The following PLSCR2 variants were observed in gnomAD, a reference collection of about 807,000 sequenced individuals.
PLSCR2 encodes the protein PL scramblase 2.
PLSCR2 carries 18 observed loss-of-function variants against 25.3 expected under a neutral mutation model. That is an observed-to-expected ratio of 0.71 (90% CI 0.49 to 1.06). The LOEUF is 1.06. PLSCR2 is among the 50% of genes least tolerant of loss of function. PLSCR2 has a pLI of 0.00. For synonymous variants in PLSCR2, 88 were observed against 87.3 expected (o/e 1.01, Z -0.04); for missense variants, 243 against 269.5 (o/e 0.90, Z 0.69).
At chr3:146,434,083 C>T (rs1340502306) in intron 8 of PLSCR2, among the ~76,000 whole-genome samples, 3 of 152,164 alleles carry the variant, frequency 2.0e-5, no homozygotes, top group Non-Finnish European at 4.4e-5. Flanking sequence ...GTTTCTAACA[C>T]TGGTACAGTT....
At position 146,421,851 on chromosome 3, in the gene PLSCR2, G is replaced by A. The variant is rs145260664; in HGVS notation, c.101-25930C>T. On this transcript the variant is annotated intron_variant and NMD_transcript_variant, in intron 2 of 3. Coordinates refer to the PLSCR2 transcript ENST00000463633. ...GGGCTTAGCCAGAAAAATAGTTTGC[G>A]TATTTGTTTTTAATTTGAGAGACAT... is the stretch of plus-strand genomic sequence containing the variant. Among the ~76,000 whole-genome samples the A allele has an allele frequency of 9.5e-4, 145 of 152,174 alleles. 1 individual carries two copies. The highest frequency in any genetic ancestry group is 3.4e-3 in the Middle Eastern group (1 of 294).
At chr3:146,450,246 T>G (rs2040817079) in intron 5 of PLSCR2, among the ~76,000 whole-genome samples, 2 of 152,298 alleles carry the variant, frequency 1.3e-5, no homozygotes, top group South Asian at 4.1e-4. Context: ...GAAATATAAA[T>G]AATGACCTAC....
At chr3:146,435,532 G>A (rs2039790079) in intron 8 of PLSCR2, among the ~76,000 whole-genome samples, 3 of 152,274 alleles carry the variant, frequency 2.0e-5, no homozygotes, top group South Asian at 2.1e-4. Context: ...GAGATGATGA[G>A]CATTTTTTCG....
At chr3:146,408,772 T>C (rs1038347693) in intron 2 of PLSCR2, among the ~76,000 whole-genome samples, 2 of 152,110 alleles carry the variant, frequency 1.3e-5, no homozygotes, top group African/African-American at 2.4e-5. Flanking sequence ...TTGGACAACT[T>C]CGGTCATCTT....
At chr3:146,455,353 A>G (rs2041150540) in exon 4 of PLSCR2, 1 of 1,613,692 alleles carries the variant, frequency 6.2e-7, no homozygotes, top group Admixed American at 1.7e-5. Flanking sequence ...TAGACCGCCC[A>G]CAGCAATTTC....
chr3:146,422,630 C>A (rs1440822173), intron 2 of PLSCR2, among the ~76,000 whole-genome samples: 1 of 152,076 alleles, frequency 6.6e-6, no homozygotes, highest in Non-Finnish European at 1.5e-5. Context: ...AATTTATTAG[C>A]TACACTGGTT....
upstream of PLSCR2, chr3:146,461,952 A>T: frequency 6.9e-7 from 1 of 1,443,900 alleles, no homozygotes; most frequent in Non-Finnish European, 9.2e-7. Context: ...ATATCCTTTC[A>T]TAAGCTAAAA....
At chr3:146,440,249 C>T (rs1163226862), downstream of PLSCR2, among the ~76,000 whole-genome samples, 1 of 152,204 alleles carries the variant, frequency 6.6e-6, no homozygotes, top group African/African-American at 2.4e-5. Flanking sequence ...GGCAGTCTGT[C>T]CATTCTCAGA....
chr3:146,393,724 G>A (rs1224316191), intron 3 of PLSCR2, among the ~76,000 whole-genome samples: 2 of 146,438 alleles, frequency 1.4e-5, no homozygotes, highest in African/African-American at 2.5e-5. Context: ...CAGGAGAATC[G>A]CTTGAACCCG....
intron 2 of PLSCR2, among the ~76,000 whole-genome samples, chr3:146,402,200 C>T (rs1023212257): frequency 6.6e-6 from 1 of 151,962 alleles, no homozygotes; most frequent in Non-Finnish European, 1.5e-5. Context: ...TTATTATCCC[C>T]TATTGAGGAT....
intron 2 of PLSCR2, among the ~76,000 whole-genome samples, chr3:146,408,755 C>G (rs1006209950): frequency 6.6e-6 from 1 of 152,104 alleles, no homozygotes; most frequent in Non-Finnish European, 1.5e-5. Flanking sequence ...GGTGACTCAT[C>G]GGGCCCTTGG....
downstream of PLSCR2, among the ~76,000 whole-genome samples, chr3:146,440,883 A>G (rs908884407): frequency 6.6e-6 from 1 of 152,204 alleles, no homozygotes; most frequent in African/African-American, 2.4e-5. Flanking sequence ...ATGCTTTGTA[A>G]AGATACACAT....
chr3:146,494,239 T>G (rs544744761), intron 1 of PLSCR2, among the ~76,000 whole-genome samples: 54 of 152,254 alleles, frequency 3.5e-4, no homozygotes, highest in Non-Finnish European at 6.0e-4. Context: ...CATATGAAAT[T>G]GTACATAGAG....
At chr3:146,469,190 C>A (rs2042002088) in intron 1 of PLSCR2, 1 of 985,362 alleles carries the variant, frequency 1.0e-6, no homozygotes, top group African/African-American at 1.7e-5. Context: ...CCAGACTCTG[C>A]CCAGGATTCA....
At chr3:146,448,506 G>A (rs1281805223) in intron 6 of PLSCR2, among the ~76,000 whole-genome samples, 3 of 152,110 alleles carry the variant, frequency 2.0e-5, no homozygotes, top group Non-Finnish European at 4.4e-5. Context: ...AATTTGGATG[G>A]ACATGAGGAG....
chr3:146,434,571 T>C (rs1179607545), intron 8 of PLSCR2, among the ~76,000 whole-genome samples: 3 of 151,872 alleles, frequency 2.0e-5, no homozygotes, highest in African/African-American at 7.2e-5. Context: ...AATTTTGCCC[T>C]GAAAATTTAT....
intron 2 of PLSCR2, among the ~76,000 whole-genome samples, chr3:146,407,873 C>T (rs1408380120): frequency 6.6e-6 from 1 of 152,278 alleles, no homozygotes; most frequent in East Asian, 1.9e-4. Context: ...TCTGTGAACA[C>T]AGTGGCATCC....
At chr3:146,488,202 T>A (rs2043415472) in intron 1 of PLSCR2, among the ~76,000 whole-genome samples, 1 of 152,044 alleles carries the variant, frequency 6.6e-6, no homozygotes, top group Non-Finnish European at 1.5e-5. Context: ...AAGACTTAAA[T>A]GTAAAAACAA....
chr3:146,430,293 C>G (rs1305842413), downstream of PLSCR2, among the ~76,000 whole-genome samples: 1 of 152,034 alleles, frequency 6.6e-6, no homozygotes, highest in African/African-American at 2.4e-5. Flanking sequence ...TCAATGACAA[C>G]TATACTATTG....
Sources: allele counts gnomAD v4.1 joint callset (sites outside exome capture counted in the v4.1 genomes callset), GRCh38; gene constraint gnomAD v4.1.1; transcripts MANE v1.5; gene names NCBI Gene and HGNC (gene_info 2026-07-23, HGNC 2026-07-21).